ENAH: variants seen among roughly 807,000 people sequenced by gnomAD.
The protein encoded by ENAH is protein enabled homolog.
ENAH carries 23 observed loss-of-function variants against 78.7 expected under a neutral mutation model. The observed-to-expected ratio is 0.29, with a 90% CI of 0.21 to 0.41. The LOEUF is 0.41. Among genes scored for constraint, ENAH ranks in the 10% least tolerant of loss-of-function variants. ENAH has a pLI of 1.00. For synonymous variants in ENAH, 226 were observed against 241.0 expected, an observed-to-expected ratio of 0.94 and a Z score of 0.58; for missense variants, 544 against 691.0, an observed-to-expected ratio of 0.79 and a Z score of 2.39.
chr1:225,613,876 G>T (rs1176531411), intron 1 of ENAH, among the ~76,000 whole-genome samples: 1 of 152,020 alleles, frequency 6.6e-6, no homozygotes. Context: ...ATAGGTTAAG[G>T]GATCAGTCCC....
intron 3 of ENAH, among the ~76,000 whole-genome samples, chr1:225,537,009 GT>G: frequency 6.6e-6 from 1 of 151,932 alleles, no homozygotes; most frequent in Non-Finnish European, 1.5e-5. Flanking sequence ...AGTTTAAACT[GT>G]TTTTTTAAAA....
At chr1:225,650,360 C>A (rs961343984) in intron 1 of ENAH, among the ~76,000 whole-genome samples, 6 of 152,130 alleles carry the variant, frequency 3.9e-5, no homozygotes, top group African/African-American at 1.4e-4. Flanking sequence ...TCATAAGGAA[C>A]AGAGCAAGAA....
intron 3 of ENAH, among the ~76,000 whole-genome samples, chr1:225,546,856 A>G (rs907159751): frequency 2.0e-5 from 3 of 152,244 alleles, no homozygotes; most frequent in Non-Finnish European, 4.4e-5. Context: ...ATTTAAAGCC[A>G]GAATTGTGTC....
chr1:225,519,584 A>C lies in ENAH; in HGVS notation c.435-19T>G. The C allele has an allele frequency of 6.3e-7, 1 of 1,582,262 alleles. No individual in the cohort carries two copies. Among genetic ancestry groups the C allele is most frequent in the Non-Finnish European group, 8.5e-7 (1 of 1,171,612 alleles). On this transcript the variant is annotated intron_variant, in intron 4 of 13. Coordinates refer to ENST00000366843, the MANE Select transcript of ENAH (RefSeq NM_018212.6). ...TAGTTGTCTGGAAAAAAAAAAAAAA[A>C]AGTAAAAACATGCATCTATGGCTAC...
At chr1:225,574,215 G>A (rs746232467) in intron 1 of ENAH, among the ~76,000 whole-genome samples, 1 of 152,150 alleles carries the variant, frequency 6.6e-6, no homozygotes, top group Non-Finnish European at 1.5e-5. Context: ...AAACACAATT[G>A]TGTTAGGTTT....
intron 5 of ENAH, 126 bp downstream of exon 5, chr1:225,519,072 C>A: frequency 7.2e-7 from 1 of 1,389,864 alleles, no homozygotes; most frequent in South Asian, 1.5e-5. Flanking sequence ...CATATTTATT[C>A]ATAATTTCAA....
chr1:225,516,167 C>G (rs1294215350), intron 6 of ENAH, among the ~76,000 whole-genome samples: 1 of 152,170 alleles, frequency 6.6e-6, no homozygotes, highest in Non-Finnish European at 1.5e-5. Context: ...CCTGCCTTCC[C>G]TGTTACCATA....
intron 1 of ENAH, among the ~76,000 whole-genome samples, chr1:225,616,348 AG>A (rs1201835165): frequency 6.6e-6 from 1 of 151,528 alleles, no homozygotes; most frequent in Non-Finnish European, 1.5e-5. Flanking sequence ...AAAAAAAAAG[AG>A]TAATACTTTG....
At chr1:225,533,826 A>G (rs1378208721) in intron 3 of ENAH, among the ~76,000 whole-genome samples, 1 of 152,112 alleles carries the variant, frequency 6.6e-6, no homozygotes, top group Non-Finnish European at 1.5e-5. Flanking sequence ...TCACAAATCT[A>G]TTTTCACAAT....
chr1:225,637,312 A>AT (rs1437728739), intron 1 of ENAH, among the ~76,000 whole-genome samples: 1 of 152,126 alleles, frequency 6.6e-6, no homozygotes, highest in Non-Finnish European at 1.5e-5. Flanking sequence ...GGTTCTAACT[A>AT]TTCTCATGCC....
In ENAH at chr1:225,652,748, GA is replaced by G. The variant is rs1418627855; in HGVS notation, c.-59del. The stretch of plus-strand genomic sequence containing the variant: ...CGGGAGACGCAGAAGGCGCCGAGCC[GA>G]GGGGGGGGTCTCTCCTCCAGGGGTG... On this transcript the variant is annotated 5_prime_UTR_variant, in exon 1 of 14. Transcript: ENST00000366843. 20 of 1,299,590 alleles carry G rather than the reference GA, an allele frequency of 1.5e-5. No individual in the cohort carries two copies. Among genetic ancestry groups the G allele is most frequent in the Middle Eastern group, 2.3e-4 (1 of 4,416 alleles). The allele number at this position is 1,299,590 out of a possible 1,614,324, so 80.5% of individuals were successfully genotyped here. A position where few individuals can be genotyped will look rare whatever the true frequency, so the allele number is the denominator to read the frequency against.
intron 1 of ENAH, among the ~76,000 whole-genome samples, chr1:225,645,266 G>A (rs943257961): frequency 6.6e-5 from 10 of 152,072 alleles, no homozygotes; most frequent in African/African-American, 2.4e-4. Context: ...GTCTATTCTG[G>A]GCATTTCATA....
chr1:225,517,432 G>A (rs187666089), intron 5 of ENAH, 126 bp from the exon 6 acceptor site: 352 of 1,551,744 alleles, frequency 2.3e-4, no homozygotes, highest in Middle Eastern at 3.3e-4. Flanking sequence ...TGGAGGCGGC[G>A]GCGGAGGAGC....
intron 6 of ENAH, among the ~76,000 whole-genome samples, chr1:225,516,404 G>A (rs1202921219): frequency 6.6e-6 from 1 of 152,176 alleles, no homozygotes; most frequent in African/African-American, 2.4e-5. Context: ...AGGCAAGAAG[G>A]AAACAGGGCC....
chr1:225,533,272 T>G lies in ENAH; in HGVS notation c.350-2634A>C, dbSNP rs572669100. 1.3e-5 allele frequency among the ~76,000 whole-genome samples: 2 copies of G among 152,288 alleles called. 1 individual carries two copies. Among genetic ancestry groups the G allele is most frequent in the Admixed American group, 1.3e-4 (2 of 15,288 alleles). On this transcript the variant is annotated intron_variant, in intron 3 of 13. Coordinates refer to ENST00000366843, the MANE Select transcript of ENAH (RefSeq NM_018212.6). ...TAAGTAATACCAAAGGCACCCCACA[T>G]GACATGAAGCAGCAACTAGGATCAG...
chr1:225,615,349 A>G (rs1333269227), intron 1 of ENAH, among the ~76,000 whole-genome samples: 1 of 152,190 alleles, frequency 6.6e-6, no homozygotes, highest in East Asian at 1.9e-4. Flanking sequence ...TCAGTGCTCA[A>G]TGGTGCCCAG....
intron 1 of ENAH, among the ~76,000 whole-genome samples, chr1:225,588,256 A>C (rs971630706): frequency 1.3e-5 from 2 of 152,210 alleles, no homozygotes; most frequent in African/African-American, 4.8e-5. Flanking sequence ...AAAATCTACG[A>C]AACATAAATC....
At chr1:225,535,341 A>G (rs1050036793) in intron 3 of ENAH, among the ~76,000 whole-genome samples, 2 of 152,172 alleles carry the variant, frequency 1.3e-5, no homozygotes, top group African/African-American at 4.8e-5. Flanking sequence ...AGCTGACCAA[A>G]TCACCTACAT....
intron 11 of ENAH, among the ~76,000 whole-genome samples, chr1:225,504,748 T>C (rs888425163): frequency 1.3e-5 from 2 of 152,228 alleles, no homozygotes; most frequent in Non-Finnish European, 2.9e-5. Context: ...ACGCTTAAGC[T>C]ACAAATGGCC....
Sources: gnomAD v4.1 joint callset for allele counts (sites outside exome capture counted in the v4.1 genomes callset) on GRCh38, gnomAD v4.1.1 for gene constraint, MANE v1.5 for transcripts, NCBI Gene and HGNC (gene_info 2026-07-23, HGNC 2026-07-21) for gene names.